Variants in VTI1A observed in about 807,000 individuals in gnomAD.
VTI1A encodes the protein vesicle transport through interaction with t-SNAREs 1A.
In VTI1A, 22 loss-of-function variants were observed where a neutral mutation model predicts 34.9. That is an observed-to-expected ratio of 0.63 (90% CI 0.45 to 0.90). The LOEUF is 0.90. VTI1A is among the 40% of genes least tolerant of loss of function. The probability of loss-of-function intolerance (pLI) is 0.00; values close to 1 mark genes in which losing one functional copy is unlikely to be tolerated. For missense variants in VTI1A, 268 were observed against 275.6 expected (o/e 0.97, Z 0.20); for synonymous variants, 87 against 97.3 (o/e 0.89, Z 0.62).
intron 5 of VTI1A, among the ~76,000 whole-genome samples, chr10:112,618,025 C>T (rs1845570751): frequency 6.6e-6 from 1 of 151,962 alleles, no homozygotes; most frequent in African/African-American, 2.4e-5. Flanking sequence ...GTGGTGGCAC[C>T]TGCCTGTAAT....
At chr10:112,736,099 A>ATG in intron 7 of VTI1A, among the ~76,000 whole-genome samples, 9 of 127,798 alleles carry the variant, frequency 7.0e-5, no homozygotes, top group African/African-American at 2.8e-4. Context: ...TTTTACATAT[A>ATG]TATGTGTGTG....
At chr10:112,557,798 G>A (rs1432440544) in intron 5 of VTI1A, among the ~76,000 whole-genome samples, 1 of 152,152 alleles carries the variant, frequency 6.6e-6, no homozygotes, top group African/African-American at 2.4e-5. Flanking sequence ...AATGCCCACT[G>A]TGTATTTTAC....
chr10:112,716,991 G>A (rs1047863236), intron 7 of VTI1A, among the ~76,000 whole-genome samples: 6 of 152,164 alleles, frequency 3.9e-5, no homozygotes, highest in Non-Finnish European at 8.8e-5. Flanking sequence ...GCCACCCCAA[G>A]CAAACATAGT....
rs73365030 is a variant in VTI1A, at chr10:112,518,284, C to T, written c.265-8803C>T. On this transcript the variant is annotated intron_variant, in intron 3 of 7. Coordinates refer to ENST00000393077, the MANE Select transcript of VTI1A (RefSeq NM_145206.4). The stretch of plus-strand genomic sequence containing the variant: ...ATCAGACCTTTGTGATGACCTTGAG[C>T]GGTAGGATATAAATAACTCCCACAA... Among the ~76,000 whole-genome samples the T allele has an allele frequency of 2.6e-3, 397 of 151,962 alleles. 1 individual carries two copies. Among genetic ancestry groups the T allele is most frequent in the African/African-American group, 9.0e-3 (374 of 41,458 alleles).
intron 7 of VTI1A, among the ~76,000 whole-genome samples, chr10:112,692,796 G>A (rs948310262): frequency 2.6e-5 from 4 of 152,148 alleles, no homozygotes; most frequent in East Asian, 3.9e-4. Context: ...ATCAGCTCTC[G>A]TTTCTCCAGT....
At chr10:112,492,301 A>G (rs1848853914) in intron 3 of VTI1A, among the ~76,000 whole-genome samples, 1 of 152,218 alleles carries the variant, frequency 6.6e-6, no homozygotes, top group Non-Finnish European at 1.5e-5. Context: ...AAGTGTTTTC[A>G]GAAAAATAAC....
chr10:112,629,155 AGGCCT>A (rs1248124050), intron 5 of VTI1A, among the ~76,000 whole-genome samples: 18 of 152,256 alleles, frequency 1.2e-4, no homozygotes, highest in African/African-American at 4.1e-4. Flanking sequence ...GGACACTCAG[AGGCCT>A]CAGACACTTG....
intron 7 of VTI1A, among the ~76,000 whole-genome samples, chr10:112,676,474 G>A (rs1848032894): frequency 6.6e-6 from 1 of 152,148 alleles, no homozygotes; most frequent in Admixed American, 6.5e-5. Context: ...CTTGGAGGGT[G>A]CCAGATGAGT....
chr10:112,482,610 C>G (rs922330761), intron 3 of VTI1A, among the ~76,000 whole-genome samples: 1 of 152,102 alleles, frequency 6.6e-6, no homozygotes, highest in East Asian at 1.9e-4. Flanking sequence ...AAAATAGTCT[C>G]TTTGCATTAA....
At chr10:112,582,770 A>G (rs988008686) in intron 5 of VTI1A, among the ~76,000 whole-genome samples, 4 of 152,138 alleles carry the variant, frequency 2.6e-5, no homozygotes, top group African/African-American at 7.2e-5. Flanking sequence ...ACGTGTTTTT[A>G]GTCACTTTTT....
intron 3 of VTI1A, among the ~76,000 whole-genome samples, chr10:112,482,736 A>G (rs1848495803): frequency 6.6e-6 from 1 of 152,178 alleles, no homozygotes; most frequent in Non-Finnish European, 1.5e-5. Context: ...GAGCAGTTGT[A>G]TTTCTTGTGC....
intron 1 of VTI1A, among the ~76,000 whole-genome samples, chr10:112,455,066 T>G (rs1847386563): frequency 6.6e-6 from 1 of 151,778 alleles, no homozygotes; most frequent in African/African-American, 2.4e-5. Flanking sequence ...AGAATGAATC[T>G]CTTTTGGGAA....
chr10:112,507,656 T>A (rs1849476639), intron 3 of VTI1A, among the ~76,000 whole-genome samples: 1 of 152,132 alleles, frequency 6.6e-6, no homozygotes, highest in South Asian at 2.1e-4. Context: ...AGAGCTGGCT[T>A]AAAATTGGGA....
At chr10:112,772,299 C>T (rs1851834399) in intron 7 of VTI1A, among the ~76,000 whole-genome samples, 1 of 152,198 alleles carries the variant, frequency 6.6e-6, no homozygotes, top group African/African-American at 2.4e-5. Context: ...TTCACGAGTC[C>T]TAATGATGTT....
At chr10:112,572,699 G>A (rs1051864637) in intron 5 of VTI1A, among the ~76,000 whole-genome samples, 8 of 150,310 alleles carry the variant, frequency 5.3e-5, no homozygotes, top group South Asian at 2.1e-4. Context: ...TTAGCCGGGC[G>A]CGGTGGCGGG....
At chr10:112,586,558 T>A (rs1336709101) in intron 5 of VTI1A, among the ~76,000 whole-genome samples, 1 of 152,186 alleles carries the variant, frequency 6.6e-6, no homozygotes, top group Non-Finnish European at 1.5e-5. Flanking sequence ...ATTTTGACAT[T>A]GCATGTGACC....
At chr10:112,564,818 A>T (rs999263273) in intron 5 of VTI1A, among the ~76,000 whole-genome samples, 3 of 152,008 alleles carry the variant, frequency 2.0e-5, no homozygotes, top group Non-Finnish European at 2.9e-5. Context: ...TGCAGATCTT[A>T]AAAAAAATGG....
At chr10:112,776,801 C>A (rs1851967354) in intron 7 of VTI1A, among the ~76,000 whole-genome samples, 1 of 151,766 alleles carries the variant, frequency 6.6e-6, no homozygotes, top group Non-Finnish European at 1.5e-5. Flanking sequence ...CCTCAGCCTC[C>A]CGAGTAGCTG....
intron 3 of VTI1A, among the ~76,000 whole-genome samples, chr10:112,505,158 CTT>C (rs1849383353): frequency 6.6e-6 from 1 of 151,968 alleles, no homozygotes; most frequent in East Asian, 1.9e-4. Flanking sequence ...AATTATTACT[CTT>C]ATATAGTTAT....
Sources: gnomAD v4.1 joint callset for allele counts (sites outside exome capture counted in the v4.1 genomes callset) on GRCh38, gnomAD v4.1.1 for gene constraint, MANE v1.5 for transcripts, NCBI Gene and HGNC (gene_info 2026-07-23, HGNC 2026-07-21) for gene names.